Variants in RBFOX1 observed in about 807,000 individuals in gnomAD.
The protein encoded by RBFOX1 is RNA binding protein fox-1 homolog 1.
Under a neutral mutation model 57.7 loss-of-function variants are expected in RBFOX1, and 8 were observed. The ratio of observed to expected loss-of-function variants is 0.14; its 90% CI spans 0.08 to 0.25. The LOEUF is 0.25. Among genes scored for constraint, RBFOX1 ranks in the 10% least tolerant of loss-of-function variants. The pLI, the probability that RBFOX1 is intolerant of heterozygous loss-of-function variation, is 1.00. For missense variants in RBFOX1, 611 were observed against 548.5 expected, an observed-to-expected ratio of 1.11 and a Z score of -1.14; for synonymous variants, 326 against 222.4, an observed-to-expected ratio of 1.47 and a Z score of -4.15.
At chr16:6,095,709 G>GA (rs111379965) in intron 1 of RBFOX1, among the ~76,000 whole-genome samples, 2,277 of 130,338 alleles carry the variant, frequency 0.017, 34 homozygotes, top group African/African-American at 0.043. Flanking sequence ...GAAAGAAAAA[G>GA]AAAAAAAAAA....
chr16:6,851,954 G>T (rs535719685), intron 3 of RBFOX1, among the ~76,000 whole-genome samples: 2 of 148,570 alleles, frequency 1.3e-5, no homozygotes, highest in Non-Finnish European at 3.0e-5. Context: ...TTTTTGAGAT[G>T]GAGGTTCGTC....
chr16:7,597,578 C>T (rs761569982), intron 9 of RBFOX1, 147 bp downstream of exon 9: 26 of 621,076 alleles, frequency 4.2e-5, no homozygotes, highest in Non-Finnish European at 6.2e-5. Context: ...GAACCACCTA[C>T]ATCAATAAGA....
intron 3 of RBFOX1, among the ~76,000 whole-genome samples, chr16:6,950,937 G>C (rs925282809): frequency 2.0e-5 from 3 of 148,754 alleles, no homozygotes; most frequent in African/African-American, 5.0e-5. Context: ...ATAGGATCTT[G>C]CTCTGTTTCT....
At position 5,439,193 on chromosome 16, in the gene RBFOX1, G is replaced by A. The variant is rs193029531; in HGVS notation, c.220-28023G>A. Among the ~76,000 whole-genome samples the A allele has an allele frequency of 1.1e-4, 17 of 152,154 alleles. No homozygotes were observed. The East Asian group carries it at 1.5e-3, about 14-fold the overall frequency. On this transcript the variant is annotated intron_variant, in intron 1 of 2. Transcript: ENST00000585867. Reference sequence around the variant, plus strand: ...CTGTGCAGCTGGGCCCTGGTGAGTCGGAAGGAGAAGATGTGGTATGGAATG... The same window carrying A: ...CTGTGCAGCTGGGCCCTGGTGAGTCAGAAGGAGAAGATGTGGTATGGAATG...
At chr16:6,466,018 C>A (rs570330718) in intron 2 of RBFOX1, among the ~76,000 whole-genome samples, 33 of 151,988 alleles carry the variant, frequency 2.2e-4, no homozygotes, top group African/African-American at 8.0e-4. Context: ...CACTTGAGGT[C>A]ACGAGTTTGA....
At chr16:5,598,426 G>A (rs979969492) in intron 2 of RBFOX1, among the ~76,000 whole-genome samples, 1 of 152,012 alleles carries the variant, frequency 6.6e-6, no homozygotes. Context: ...GCATTTGCTG[G>A]TAGCCACACT....
intron 4 of RBFOX1, among the ~76,000 whole-genome samples, chr16:7,255,482 G>A (rs1032699170): frequency 6.6e-6 from 1 of 152,160 alleles, no homozygotes; most frequent in Non-Finnish European, 1.5e-5. Flanking sequence ...TTAAAAATAA[G>A]TGAATATGTA....
chr16:5,300,875 C>T (rs558255275), intron 1 of RBFOX1, among the ~76,000 whole-genome samples: 1 of 152,084 alleles, frequency 6.6e-6, no homozygotes, highest in African/African-American at 2.4e-5. Context: ...TAGTGATGTC[C>T]TCTCTTTAAT....
chr16:5,394,573 T>C (rs2066498291), intron 1 of RBFOX1, among the ~76,000 whole-genome samples: 1 of 151,184 alleles, frequency 6.6e-6, no homozygotes, highest in African/African-American at 2.4e-5. Flanking sequence ...GTCTTTTTTT[T>C]TTTTTTTTGA....
In RBFOX1 at chr16:5,887,773, C is replaced by G. The variant is rs952732014; in HGVS notation, c.351+20438C>G. The stretch of plus-strand genomic sequence containing the variant: ...ACAGGGATTGGTTCACCCGAGGAGT[C>G]AGACCACGCAACCGAATGGTTGTGC... On this transcript the variant is annotated intron_variant, in intron 4 of 19. Coordinates refer to the RBFOX1 transcript ENST00000641259. Among the ~76,000 whole-genome samples, 3 of 152,268 alleles carry G rather than the reference C, an allele frequency of 2.0e-5. No homozygotes were observed. In the South Asian group the frequency reaches 6.2e-4, roughly 32 times the overall value.
chr16:5,538,680 C>T (rs149387914), intron 2 of RBFOX1, among the ~76,000 whole-genome samples: 3,097 of 149,550 alleles, frequency 0.021, 73 homozygotes, highest in African/African-American at 0.05. Context: ...GGCTGGAGTG[C>T]AGTGGTGTGA....
At chr16:7,444,592 G>A (rs1348662938) in intron 4 of RBFOX1, among the ~76,000 whole-genome samples, 1 of 152,020 alleles carries the variant, frequency 6.6e-6, no homozygotes, top group Non-Finnish European at 1.5e-5. Flanking sequence ...GACTGCAGTG[G>A]CATGATCCTA....
At chr16:7,563,390 A>C (rs577368139) in intron 5 of RBFOX1, among the ~76,000 whole-genome samples, 2 of 152,326 alleles carry the variant, frequency 1.3e-5, no homozygotes, top group East Asian at 3.9e-4. Context: ...GTGAAGCTGG[A>C]ATTCAAATCT....
In RBFOX1 at chr16:5,908,038, A is replaced by G. The variant is rs577615810; in HGVS notation, c.351+40703A>G. Among the ~76,000 whole-genome samples the G allele has an allele frequency of 3.0e-4, 46 of 150,984 alleles. No homozygotes were observed. The South Asian group carries it at 3.5e-3, about 12-fold the overall frequency. On this transcript the variant is annotated intron_variant, in intron 4 of 19. Transcript: ENST00000641259. The stretch of plus-strand genomic sequence containing the variant: ...AGTGCTGGGATTACAGGCATGAGCC[A>G]TAGCACCTGGTAGATGTATGTATGT...
At chr16:5,397,174 C>G (rs1411117551) in intron 1 of RBFOX1, among the ~76,000 whole-genome samples, 1 of 152,232 alleles carries the variant, frequency 6.6e-6, no homozygotes, top group Non-Finnish European at 1.5e-5. Context: ...TAAAGTCACC[C>G]TGGAGGTGAC....
At chr16:5,943,922 C>T (rs745421495) in intron 4 of RBFOX1, among the ~76,000 whole-genome samples, 1 of 151,808 alleles carries the variant, frequency 6.6e-6, no homozygotes, top group Non-Finnish European at 1.5e-5. Flanking sequence ...TCCACTCCTC[C>T]TCTGTCTTTC....
chr16:7,046,383 G>C (rs1004820245), intron 3 of RBFOX1, among the ~76,000 whole-genome samples: 1 of 151,996 alleles, frequency 6.6e-6, no homozygotes, highest in Non-Finnish European at 1.5e-5. Context: ...ACAAGACTCA[G>C]TATTTTGCCT....
In RBFOX1 at chr16:6,692,918, A is replaced by G. The variant is rs150292233; in HGVS notation, c.-16+38268A>G. 2.1e-3 allele frequency among the ~76,000 whole-genome samples: 317 copies of G among 150,050 alleles called. 1 individual carries two copies. The highest frequency in any genetic ancestry group is 7.3e-3 in the African/African-American group (298 of 40,620). On this transcript the variant is annotated intron_variant, in intron 3 of 15. Transcript: ENST00000550418. ...TCATTATCAGCATCATCTTCATAGTACTACCATCACCACCATTATTATCAA... is the reference window on the plus strand; with the variant it reads ...TCATTATCAGCATCATCTTCATAGTGCTACCATCACCACCATTATTATCAA...
intron 3 of RBFOX1, among the ~76,000 whole-genome samples, chr16:6,911,788 G>T (rs779277637): frequency 3.9e-5 from 6 of 152,072 alleles, no homozygotes; most frequent in Non-Finnish European, 8.8e-5. Flanking sequence ...ACTTATAGAA[G>T]AGATCTATTT....
Sources: allele counts gnomAD v4.1 joint callset (sites outside exome capture counted in the v4.1 genomes callset), GRCh38; gene constraint gnomAD v4.1.1; transcripts MANE v1.5; gene names NCBI Gene and HGNC (gene_info 2026-07-23, HGNC 2026-07-21).